Variants in AR observed in about 807,000 individuals in gnomAD.
The protein encoded by AR is dihydrotestosterone receptor.
A neutral mutation model predicts 53.9 loss-of-function variants in AR; 8 were observed. That is an observed-to-expected ratio of 0.15 (90% CI 0.09 to 0.27). AR has a LOEUF of 0.27. AR is among the 10% of genes least tolerant of loss of function. The probability of loss-of-function intolerance (pLI) is 1.00; values close to 1 mark genes in which losing one functional copy is unlikely to be tolerated. For synonymous variants in AR, 359 were observed against 316.4 expected (o/e 1.13, Z -1.43); for missense variants, 639 against 742.5 (o/e 0.86, Z 1.62).
chrX:67,686,117 A>T lies in AR; in HGVS notation c.1876A>T (p.Thr626Ser), dbSNP rs1569305860. ...RLRKCYEAGMTLGARKLKKLG... is the reference protein window; with the variant it reads ...RLRKCYEAGMSLGARKLKKLG... ...TCGGAAATGTTATGAAGCAGGGATG[A>T]CTCTGGGAGGTAAGATACTTTTCTT... is the stretch of plus-strand genomic sequence containing the variant. Residue 626 changes from threonine to serine, a missense_variant, in exon 3 of 8, where the codon ACT (threonine) becomes TCT (serine). Thr to Ser is a moderately conservative substitution (Grantham distance 58). Transcript: ENST00000374690. The T allele has an allele frequency of 8.3e-7, 1 of 1,207,833 alleles. No individual in the cohort carries two copies.
At chrX:67,615,613 T>A (rs996205271) in intron 1 of AR, among the ~76,000 whole-genome samples, 10 of 111,499 alleles carry the variant, frequency 9.0e-5, no homozygotes, top group Non-Finnish European at 1.9e-4. Flanking sequence ...TGAAAAAAAA[T>A]TCCAATAAAG....
chrX:67,655,990 A>G (rs1470210025), intron 2 of AR, among the ~76,000 whole-genome samples: 1 of 111,785 alleles, frequency 8.9e-6, no homozygotes, highest in Non-Finnish European at 1.9e-5. Context: ...TTATTTTTGG[A>G]CATGGATAGC....
intron 3 of AR, chrX:67,695,620 G>T: frequency 2.7e-6 from 2 of 753,518 alleles, no homozygotes; most frequent in Non-Finnish European, 3.1e-6. Context: ...ATTGACACCA[G>T]TTTCTTTCTA....
intron 2 of AR, among the ~76,000 whole-genome samples, chrX:67,669,462 A>G (rs757067777): frequency 4.5e-5 from 5 of 111,610 alleles, no homozygotes; most frequent in African/African-American, 9.8e-5. Flanking sequence ...GTGACCTAAG[A>G]TATGATCTGT....
In AR at chrX:67,662,404, T is replaced by C. The variant is rs1457829104; in HGVS notation, c.1768+18997T>C. Among the ~76,000 whole-genome samples, 3 of 111,186 alleles carry C rather than the reference T, an allele frequency of 2.7e-5. No individual in the cohort carries two copies. The East Asian group carries it at 8.5e-4, about 31-fold the overall frequency. On this transcript the variant is annotated intron_variant, in intron 2 of 7. Coordinates refer to ENST00000374690, the MANE Select transcript of AR (RefSeq NM_000044.6). ...CTGGTATGTTGTGTCTTTGTTCTCATTGGTTTCAAAGAACATCTTTATTTC... is the reference window on the plus strand; with the variant it reads ...CTGGTATGTTGTGTCTTTGTTCTCACTGGTTTCAAAGAACATCTTTATTTC...
rs756400174 is a variant in AR at position 67,545,791 on chromosome X, G to A, written c.645G>A (p.Ser215=). 6.6e-6 allele frequency: 8 copies of A among 1,210,548 alleles called. No homozygotes were observed. Among genetic ancestry groups the A allele is most frequent in the Non-Finnish European group, 7.8e-6 (7 of 895,260 alleles). The part of the protein sequence containing the change: ...GSSSGRAREA[S]GAPTSSKDNY... The stretch of plus-strand genomic sequence containing the variant: ...GCAGCGGGAGAGCGAGGGAGGCCTC[G>A]GGGGCTCCCACTTCCTCCAAGGACA... Residue 215 remains serine, a synonymous_variant, in exon 1 of 8, where the codon TCG becomes TCA. Transcript: ENST00000374690.
intron 2 of AR, among the ~76,000 whole-genome samples, chrX:67,681,387 C>T (rs755280506): frequency 6.6e-4 from 74 of 111,697 alleles, no homozygotes; most frequent in Non-Finnish European, 1.2e-3. Flanking sequence ...ATCCACAAGG[C>T]CATATGCTTC....
intron 1 of AR, chrX:67,568,800 AT>A: frequency 1.9e-6 from 2 of 1,081,061 alleles, no homozygotes; most frequent in Non-Finnish European, 2.4e-6. Flanking sequence ...AGAATGTTTT[AT>A]CAGCTCTGAT....
In AR at chrX:67,728,574, A is replaced by AATATATATATATAT. The variant is rs10666509; in HGVS notation, c.*4761_*4774dup. On this transcript the variant is annotated 3_prime_UTR_variant, in exon 8 of 8. Coordinates refer to ENST00000374690, the MANE Select transcript of AR (RefSeq NM_000044.6). ...ATTTGTATCCATGTTTCAAAATTGA[A>AATATATATATATAT]ATATATATATATATATATATATATA... is the stretch of plus-strand genomic sequence containing the variant. The AATATATATATATAT allele has an allele frequency of 0.011, 317 of 29,848 alleles. 9 individuals carry two copies. The highest frequency in any genetic ancestry group is 0.013 in the Non-Finnish European group (232 of 17,833). 2.5% of individuals were successfully genotyped at this position (29,848 alleles called of 1,213,427 possible).
chrX:67,575,398 G>A (rs1320346013), intron 1 of AR, among the ~76,000 whole-genome samples: 1 of 111,772 alleles, frequency 8.9e-6, no homozygotes, highest in Non-Finnish European at 1.9e-5. Flanking sequence ...AGAAATAATT[G>A]TAGGTAGCTT....
At chrX:67,679,504 A>G (rs1323924997) in intron 2 of AR, among the ~76,000 whole-genome samples, 1 of 111,651 alleles carries the variant, frequency 9.0e-6, no homozygotes, top group Non-Finnish European at 1.9e-5. Flanking sequence ...TTCTTACAAC[A>G]CATCCCTAGA....
chrX:67,584,973 C>T (rs966534378), intron 1 of AR, among the ~76,000 whole-genome samples: 10 of 111,380 alleles, frequency 9.0e-5, no homozygotes, highest in Admixed American at 5.7e-4. Flanking sequence ...GAGTTGATGG[C>T]GGCCAGGCGC....
intron 5 of AR, among the ~76,000 whole-genome samples, chrX:67,721,229 T>C (rs2076134417): frequency 8.9e-6 from 1 of 112,171 alleles, no homozygotes; most frequent in Admixed American, 9.4e-5. Context: ...AGATTTAACA[T>C]TGGAACTCGT....
intron 1 of AR, among the ~76,000 whole-genome samples, chrX:67,629,738 A>C (rs1162124023): frequency 1.8e-5 from 2 of 108,887 alleles, no homozygotes; most frequent in Admixed American, 2.0e-4. Flanking sequence ...TTAGGGTGTC[A>C]ATTTTGGATC....
chrX:67,643,238 T>C lies in AR; in HGVS notation c.1617-18T>C, dbSNP rs1438584844. Reference sequence around the variant, plus strand: ...CATTCAGTGACATGTGTTGCATTGGTTTTTTGTGTCTTTCCAGTTTGGAGA... The same window carrying C: ...CATTCAGTGACATGTGTTGCATTGGCTTTTTGTGTCTTTCCAGTTTGGAGA... On this transcript the variant is annotated intron_variant, in intron 1 of 7. Transcript: ENST00000374690. 8.3e-7 allele frequency: 1 copy of C among 1,211,127 alleles called. No individual in the cohort carries two copies. The highest frequency in any genetic ancestry group is 1.1e-6 in the Non-Finnish European group (1 of 895,075).
intron 2 of AR, among the ~76,000 whole-genome samples, chrX:67,671,116 C>A (rs2075862688): frequency 1.8e-5 from 2 of 111,416 alleles, no homozygotes; most frequent in African/African-American, 6.5e-5. Context: ...GGGTATATAC[C>A]CAGTAATGGG....
chrX:67,582,458 T>G lies in AR; in HGVS notation c.1616+35696T>G, dbSNP rs1402662797. 4.5e-5 allele frequency among the ~76,000 whole-genome samples: 5 copies of G among 111,724 alleles called. No homozygotes were observed. In the East Asian group the frequency reaches 1.1e-3, roughly 25 times the overall value. On this transcript the variant is annotated intron_variant, in intron 1 of 7. Transcript: ENST00000374690. ...TATTTTCTCCATGGGAAGAGGATGT[T>G]TGATGTGTGTTGGCTTTAGCAAAAG...
At position 67,697,011 on chromosome X, in the gene AR, C is replaced by G. The variant is rs2076023691; in HGVS notation, c.1885+10885C>G. On this transcript the variant is annotated intron_variant, in intron 3 of 7. Transcript: ENST00000374690. Reference sequence around the variant, plus strand: ...TTTGGAGGAGGAAGGAAGGGATAGACAAGATCCAAGGCCTTTGAACTCTTT... The same window carrying G: ...TTTGGAGGAGGAAGGAAGGGATAGAGAAGATCCAAGGCCTTTGAACTCTTT... 3.6e-5 allele frequency among the ~76,000 whole-genome samples: 4 copies of G among 112,010 alleles called. No homozygotes were observed. In the South Asian group the frequency reaches 1.5e-3, roughly 42 times the overall value.
Position 67,728,134 on chromosome X carries a change from A to T in AR, c.*4293A>T, listed in dbSNP as rs2076165170. ...TCTTTGATAAGCTGTCCAAAGACAG[A>T]CTAAAGGACTCTGCTGGTGACTGAC... On this transcript the variant is annotated 3_prime_UTR_variant, in exon 8 of 8. Coordinates refer to ENST00000374690, the MANE Select transcript of AR (RefSeq NM_000044.6). 1 of 171,500 alleles carries T rather than the reference A, an allele frequency of 5.8e-6. No individual in the cohort carries two copies. The highest frequency in any genetic ancestry group is 3.3e-4 in the South Asian group (1 of 3,038). The allele number at this position is 171,500 out of a possible 1,213,427, so 14.1% of individuals were successfully genotyped here. A position where few individuals can be genotyped will look rare whatever the true frequency, so the allele number is the denominator to read the frequency against.
Sources: gnomAD v4.1 joint callset for allele counts (sites outside exome capture counted in the v4.1 genomes callset) on GRCh38, gnomAD v4.1.1 for gene constraint, MANE v1.5 for transcripts, NCBI Gene and HGNC (gene_info 2026-07-23, HGNC 2026-07-21) for gene names.